The following PPP3CA variants were observed in gnomAD, a reference collection of about 807,000 sequenced individuals.
PPP3CA encodes the protein protein phosphatase 3 catalytic subunit alpha.
PPP3CA carries 14 observed loss-of-function variants against 66.5 expected under a neutral mutation model. That is an observed-to-expected ratio of 0.21 (90% CI 0.14 to 0.33). The LOEUF is 0.33. Ranked by LOEUF, PPP3CA falls within the 10% of genes least tolerant of loss-of-function variation. The pLI is 1.00. For missense variants in PPP3CA, 317 were observed against 639.5 expected (o/e 0.50, Z 5.44); for synonymous variants, 232 against 226.2 (o/e 1.03, Z -0.23).
At chr4:101,146,643 A>G (rs898365351) in intron 2 of PPP3CA, among the ~76,000 whole-genome samples, 8 of 152,150 alleles carry the variant, frequency 5.3e-5, no homozygotes, top group Middle Eastern at 3.4e-3. Context: ...GGGTTTCACC[A>G]TGTTGGTCAG....
intron 10 of PPP3CA, among the ~76,000 whole-genome samples, chr4:101,060,429 T>G (rs1358230663): frequency 1.3e-5 from 2 of 152,144 alleles, no homozygotes; most frequent in Non-Finnish European, 2.9e-5. Flanking sequence ...TACATTTTTG[T>G]CAGTTTCCAT....
intron 13 of PPP3CA, among the ~76,000 whole-genome samples, chr4:101,026,566 G>A (rs1726661058): frequency 6.6e-6 from 1 of 152,050 alleles, no homozygotes. Context: ...GAGCTAAAAG[G>A]AGCTAGAAAA....
At chr4:101,289,954 TA>T (rs1391541154) in intron 1 of PPP3CA, among the ~76,000 whole-genome samples, 1 of 151,248 alleles carries the variant, frequency 6.6e-6, no homozygotes, top group Non-Finnish European at 1.5e-5. Flanking sequence ...TTACATGCCC[TA>T]AGATCATGCT....
At chr4:101,206,755 A>G (rs904287428) in intron 1 of PPP3CA, among the ~76,000 whole-genome samples, 1 of 152,224 alleles carries the variant, frequency 6.6e-6, no homozygotes, top group Non-Finnish European at 1.5e-5. Flanking sequence ...TCTCACTCAC[A>G]ATTTATTTAA....
chr4:101,052,633 C>A (rs1218536311), intron 10 of PPP3CA, among the ~76,000 whole-genome samples: 1 of 151,844 alleles, frequency 6.6e-6, no homozygotes, highest in Non-Finnish European at 1.5e-5. Flanking sequence ...AGAATTTAGT[C>A]TTTTAAAAAT....
At chr4:101,239,472 A>T (rs2110232083) in intron 1 of PPP3CA, among the ~76,000 whole-genome samples, 1 of 152,224 alleles carries the variant, frequency 6.6e-6, no homozygotes, top group Admixed American at 6.5e-5. Context: ...AGAAGAAAAC[A>T]ATTCCACTTA....
chr4:101,346,555 G>A (rs952350058), intron 1 of PPP3CA, among the ~76,000 whole-genome samples, 184 bp downstream of exon 1: 7 of 152,086 alleles, frequency 4.6e-5, no homozygotes, highest in African/African-American at 1.7e-4. Context: ...ACGCGTGGGG[G>A]AAGGGCGCCG....
chr4:101,213,292 C>T (rs1200637574), intron 1 of PPP3CA, among the ~76,000 whole-genome samples: 2 of 152,048 alleles, frequency 1.3e-5, no homozygotes, highest in African/African-American at 2.4e-5. Context: ...CAGTGTATGA[C>T]CATGCAATAA....
chr4:101,112,221 T>C (rs1289885496), intron 2 of PPP3CA, among the ~76,000 whole-genome samples: 4 of 152,120 alleles, frequency 2.6e-5, no homozygotes, highest in African/African-American at 4.8e-5. Flanking sequence ...AATGCAAATA[T>C]TATAAGGATA....
At chr4:101,152,548 T>A (rs1723176308) in intron 2 of PPP3CA, among the ~76,000 whole-genome samples, 1 of 152,204 alleles carries the variant, frequency 6.6e-6, no homozygotes, top group Non-Finnish European at 1.5e-5. Context: ...GTAAGAAAAT[T>A]GGCAGTTGTA....
chr4:101,221,478 A>AT (rs1725622929), intron 1 of PPP3CA, among the ~76,000 whole-genome samples: 2 of 151,622 alleles, frequency 1.3e-5, no homozygotes, highest in Admixed American at 1.3e-4. Flanking sequence ...AGTAAACAGC[A>AT]TTCTAGTTGG....
chr4:101,128,851 A>T (rs1560616790), intron 2 of PPP3CA, among the ~76,000 whole-genome samples: 1 of 152,072 alleles, frequency 6.6e-6, no homozygotes, highest in Non-Finnish European at 1.5e-5. Flanking sequence ...TAGCTGCAGG[A>T]GTTTTTTTTC....
chr4:101,217,809 G>A (rs543613791), intron 1 of PPP3CA, among the ~76,000 whole-genome samples: 5 of 152,118 alleles, frequency 3.3e-5, no homozygotes, highest in African/African-American at 4.8e-5. Flanking sequence ...CAGTGCAGTC[G>A]GTTGTACAGT....
intron 1 of PPP3CA, among the ~76,000 whole-genome samples, chr4:101,325,158 T>C (rs943481570): frequency 6.6e-6 from 1 of 152,226 alleles, no homozygotes; most frequent in Non-Finnish European, 1.5e-5. Context: ...TTGGTAGCTT[T>C]AAAAGTTTTC....
intron 8 of PPP3CA, among the ~76,000 whole-genome samples, chr4:101,065,422 G>C (rs1205012467): frequency 1.3e-5 from 2 of 152,024 alleles, no homozygotes; most frequent in East Asian, 3.9e-4. Context: ...ATTAACCTTA[G>C]GTTGGTGGTA....
chr4:101,129,454 G>A (rs1193395600), intron 2 of PPP3CA, among the ~76,000 whole-genome samples: 1 of 152,200 alleles, frequency 6.6e-6, no homozygotes, highest in Non-Finnish European at 1.5e-5. Flanking sequence ...ATCACTGGGA[G>A]ACACCTCCCA....
At chr4:101,097,150 A>C (rs1730232001) in intron 5 of PPP3CA, among the ~76,000 whole-genome samples, 1 of 152,170 alleles carries the variant, frequency 6.6e-6, no homozygotes, top group Admixed American at 6.5e-5. Flanking sequence ...CCTATCATAC[A>C]TTAGGCTTAA....
chr4:101,169,739 T>TC (rs1420532744), intron 2 of PPP3CA, among the ~76,000 whole-genome samples: 1 of 84,688 alleles, frequency 1.2e-5, no homozygotes, highest in Admixed American at 1.6e-4. Flanking sequence ...GTAAATGCCT[T>TC]TTTTTTTTTA....
chr4:101,202,003 G>GTA (rs1560655811), intron 1 of PPP3CA, among the ~76,000 whole-genome samples: 1 of 152,166 alleles, frequency 6.6e-6, no homozygotes, highest in African/African-American at 2.4e-5. Context: ...AGCTTACCAG[G>GTA]TGGTATAATT....
Sources: gnomAD v4.1 joint callset for allele counts (sites outside exome capture counted in the v4.1 genomes callset) on GRCh38, gnomAD v4.1.1 for gene constraint, MANE v1.5 for transcripts, NCBI Gene and HGNC (gene_info 2026-07-23, HGNC 2026-07-21) for gene names.